ZFHX3: variants seen among roughly 807,000 people sequenced by gnomAD.
The protein encoded by ZFHX3 is zinc finger homeobox protein 3.
Under a neutral mutation model 279.1 loss-of-function variants are expected in ZFHX3, and 42 were observed. The observed-to-expected ratio is 0.15, with a 90% confidence interval of 0.12 to 0.19. ZFHX3 has a LOEUF of 0.19. ZFHX3 is among the 10% of genes least tolerant of loss of function. ZFHX3 has a pLI of 1.00. For synonymous variants in ZFHX3, 2,293 were observed against 1,957.8 expected (o/e 1.17, Z -4.52); for missense variants, 4,981 against 4,754.0 (o/e 1.05, Z -1.40).
chr16:73,811,731 C>A (rs1159359816), intron 1 of ZFHX3, among the ~76,000 whole-genome samples: 1 of 152,126 alleles, frequency 6.6e-6, no homozygotes, highest in African/African-American at 2.4e-5. Context: ...AGGCATGAGC[C>A]ACCGCGCCCG....
Position 72,891,889 on chromosome 16 carries a change from A to G in ZFHX3, c.3217-1927T>C, listed in dbSNP as rs1023935084. ...ACGTTGCTTGTCTCCTTTCTGACCC[A>G]CACTGCTTCTGTCTGATGTTTATGC... On this transcript the variant is annotated intron_variant, in intron 3 of 9. Coordinates refer to ENST00000268489, the MANE Select transcript of ZFHX3 (RefSeq NM_006885.4). 1.6e-4 allele frequency among the ~76,000 whole-genome samples: 24 copies of G among 152,176 alleles called. 1 individual carries two copies. Among genetic ancestry groups the G allele is most frequent in the Non-Finnish European group, 5.9e-5 (4 of 68,040 alleles).
chr16:73,364,034 A>G (rs980449606), intron 3 of ZFHX3, among the ~76,000 whole-genome samples: 11 of 152,082 alleles, frequency 7.2e-5, no homozygotes, highest in East Asian at 1.9e-4. Flanking sequence ...TTAGCCGGGC[A>G]TGGTGACGCA....
At chr16:72,974,553 G>A (rs547135771) in intron 1 of ZFHX3, among the ~76,000 whole-genome samples, 5 of 139,884 alleles carry the variant, frequency 3.6e-5, no homozygotes, top group Admixed American at 1.5e-4. Flanking sequence ...CCCTTTGGAG[G>A]CTCACTGATA....
exon 8 of ZFHX3, chr16:73,093,540 A>G (rs769157585): frequency 2.0e-6 from 1 of 510,114 alleles, no homozygotes; most frequent in Admixed American, 2.0e-5. Flanking sequence ...GCTGTCACAC[A>G]AGCCTGGAGC....
intron 2 of ZFHX3, among the ~76,000 whole-genome samples, chr16:73,621,019 G>T (rs1383304456): frequency 6.6e-6 from 1 of 152,208 alleles, no homozygotes; most frequent in Admixed American, 6.5e-5. Context: ...GGGGATCGTA[G>T]CATCCATCTT....
chr16:73,150,024 T>C (rs952687011), intron 5 of ZFHX3, among the ~76,000 whole-genome samples: 7 of 152,158 alleles, frequency 4.6e-5, no homozygotes, highest in Non-Finnish European at 1.0e-4. Flanking sequence ...GATTCCAGAA[T>C]GGTCGTTTCC....
chr16:73,088,252 C>A (rs566551465), intron 8 of ZFHX3, among the ~76,000 whole-genome samples: 4 of 151,966 alleles, frequency 2.6e-5, no homozygotes, highest in Admixed American at 2.6e-4. Flanking sequence ...CTCAAGCAAT[C>A]CTTCCACCTC....
intron 1 of ZFHX3, chr16:73,058,447 C>T (rs1264233542): frequency 5.6e-6 from 1 of 179,680 alleles, no homozygotes; most frequent in Non-Finnish European, 1.1e-5. Flanking sequence ...AGCCCCGCGT[C>T]CGGGCGGTGG....
intron 5 of ZFHX3, among the ~76,000 whole-genome samples, chr16:73,179,816 G>T (rs1390891285): frequency 6.6e-6 from 1 of 152,138 alleles, no homozygotes; most frequent in South Asian, 2.1e-4. Context: ...CTCGAGATGG[G>T]GTTGCGCCGT....
At chr16:73,142,316 C>A (rs1010966846) in intron 6 of ZFHX3, among the ~76,000 whole-genome samples, 1 of 152,174 alleles carries the variant, frequency 6.6e-6, no homozygotes, top group South Asian at 2.1e-4. Flanking sequence ...CAGCACTGGG[C>A]ATGTTGTTTT....
chr16:72,791,571 C>T (rs1200563699), intron 9 of ZFHX3: 1 of 152,192 alleles, frequency 6.6e-6, no homozygotes, highest in Non-Finnish European at 1.5e-5. Flanking sequence ...CCTCTCTGGC[C>T]CTCAGATTTC....
At chr16:73,294,972 C>T (rs1048261425) in intron 4 of ZFHX3, among the ~76,000 whole-genome samples, 4 of 151,272 alleles carry the variant, frequency 2.6e-5, no homozygotes, top group South Asian at 2.1e-4. Context: ...CCAGCACTTT[C>T]GGAGGCCGAG....
At chr16:73,143,893 C>T in intron 5 of ZFHX3, 1 of 630,744 alleles carries the variant, frequency 1.6e-6, no homozygotes, top group Non-Finnish European at 2.5e-6. Context: ...CCTTCGCAGG[C>T]CAAGTGGCTA....
chr16:73,422,555 G>A (rs1294536197), intron 3 of ZFHX3, among the ~76,000 whole-genome samples: 1 of 152,118 alleles, frequency 6.6e-6, no homozygotes, highest in East Asian at 1.9e-4. Context: ...TCTCCCCAAA[G>A]CAACTTTCCC....
chr16:73,765,642 G>A (rs1359153754), intron 1 of ZFHX3, among the ~76,000 whole-genome samples: 1 of 152,166 alleles, frequency 6.6e-6, no homozygotes, highest in African/African-American at 2.4e-5. Flanking sequence ...CTCATTTTTG[G>A]TTCAAGGCCA....
intron 1 of ZFHX3, among the ~76,000 whole-genome samples, chr16:73,750,749 T>A (rs2053754651): frequency 6.6e-6 from 1 of 151,206 alleles, no homozygotes. Flanking sequence ...GCTAAGAGAG[T>A]CTGTCTCTGT....
intron 1 of ZFHX3, among the ~76,000 whole-genome samples, chr16:72,982,134 T>G (rs1962632376): frequency 6.6e-6 from 1 of 152,104 alleles, no homozygotes; most frequent in South Asian, 2.1e-4. Flanking sequence ...CTGCCCGCCT[T>G]GGCCTCCCAA....
intron 1 of ZFHX3, among the ~76,000 whole-genome samples, chr16:73,003,300 CG>C (rs1335875237): frequency 6.9e-6 from 1 of 144,024 alleles, no homozygotes; most frequent in Non-Finnish European, 1.5e-5. Flanking sequence ...GGGTATTAGA[CG>C]TAAGATAATT....
intron 1 of ZFHX3, among the ~76,000 whole-genome samples, chr16:73,770,764 T>C (rs1320117569): frequency 6.6e-6 from 1 of 152,248 alleles, no homozygotes; most frequent in Non-Finnish European, 1.5e-5. Flanking sequence ...CATTCTGCTT[T>C]GAAGATGATC....
Sources: allele counts gnomAD v4.1 joint callset (sites outside exome capture counted in the v4.1 genomes callset), GRCh38; gene constraint gnomAD v4.1.1; transcripts MANE v1.5; gene names NCBI Gene and HGNC (gene_info 2026-07-23, HGNC 2026-07-21).